The following RTN2 variants were observed in gnomAD, a reference collection of about 807,000 sequenced individuals.
RTN2 encodes the protein reticulon 2.
A neutral mutation model predicts 63.7 loss-of-function variants in RTN2; 36 were observed. That is an observed-to-expected ratio of 0.56 (90% CI 0.43 to 0.75). The LOEUF is 0.75. RTN2 is among the 30% of genes least tolerant of loss of function. The pLI, the probability that RTN2 is intolerant of heterozygous loss-of-function variation, is 0.00. For synonymous variants in RTN2, 312 were observed against 313.0 expected (o/e 1.00, Z 0.03); for missense variants, 673 against 705.1 (o/e 0.95, Z 0.52).
intron 10 of RTN2, 69 bp downstream of exon 10, chr19:45,485,986 G>A (rs1968012650): frequency 4.1e-6 from 6 of 1,474,732 alleles, no homozygotes; most frequent in Middle Eastern, 1.8e-4. Flanking sequence ...CGGACAGCGA[G>A]AGTAGAAAGG....
At position 45,488,994 on chromosome 19, in the gene RTN2, G is replaced by C. The variant is rs1409728655; in HGVS notation, c.1242-8C>G. 2 of 1,609,980 alleles carry C rather than the reference G, an allele frequency of 1.2e-6. No individual in the cohort carries two copies. Among genetic ancestry groups the C allele is most frequent in the South Asian group, 2.2e-5 (2 of 90,202 alleles). The stretch of plus-strand genomic sequence containing the variant: ...TCCACATCCAGGTAGGCCCTGCGGG[G>C]ACAAAGGAGTGTGGGGCGACTCAGT... On this transcript the variant is annotated splice_region_variant and splice_polypyrimidine_tract_variant and intron_variant, in intron 6 of 10. Transcript: ENST00000245923.
At chr19:45,490,707 G>A (rs1199834743) in intron 5 of RTN2, among the ~76,000 whole-genome samples, 2 of 151,788 alleles carry the variant, frequency 1.3e-5, no homozygotes, top group Non-Finnish European at 2.9e-5. Flanking sequence ...CTCCTGAGTA[G>A]CTGAGATTAC....
intron 6 of RTN2, 33 bp from the exon 7 acceptor site, chr19:45,489,019 TG>T (rs751287156): frequency 6.2e-7 from 1 of 1,604,236 alleles, no homozygotes; most frequent in South Asian, 1.1e-5. Flanking sequence ...GGCGACTCAG[TG>T]GGTGACCAGC....
rs774410471 is a variant in RTN2 at position 45,493,269 on chromosome 19, C to G, written c.924G>C (p.Arg308Ser). 6.2e-7 allele frequency: 1 copy of G among 1,613,118 alleles called. No homozygotes were observed. The highest frequency in any genetic ancestry group is 8.5e-7 in the Non-Finnish European group (1 of 1,179,764). Residue 308 changes from arginine to serine, a missense_variant, in exon 5 of 11, where the codon AGG becomes AGC. By Grantham distance (110) the Arg-to-Ser change is moderately radical (BLOSUM62 -1). Coordinates refer to ENST00000245923, the MANE Select transcript of RTN2 (RefSeq NM_005619.5). ...GGACAGGAGTAGGGGGGGTGGGGCC[C>G]CTTTGGACCCAGCCAATGGCTGTCC... ...PLWTAIGWVQ[R>S]GPTPPTPVLR...
chr19:45,486,671 C>T (rs2122202472), intron 9 of RTN2, among the ~76,000 whole-genome samples: 1 of 150,964 alleles, frequency 6.6e-6, no homozygotes, highest in African/African-American at 2.4e-5. Context: ...ACCAACATGC[C>T]CGGCTAATTT....
In RTN2 at chr19:45,494,434, G is replaced by T; in HGVS notation, c.560-14C>A. 2 of 1,607,524 alleles carry T rather than the reference G, an allele frequency of 1.2e-6. No individual in the cohort carries two copies. Among genetic ancestry groups the T allele is most frequent in the South Asian group, 2.2e-5 (2 of 90,886 alleles). ...GTAGGTCCAGTTCTGATACGGTAGA[G>T]AGAGGAGGCCGTGAGCTTTCTTCTT... On this transcript the variant is annotated splice_polypyrimidine_tract_variant and intron_variant, in intron 3 of 10. Transcript: ENST00000245923. This position sits in a 1 kb window ranked among gnomAD's most constrained non-coding sequence, Gnocchi z 5.3.
At position 45,493,331 on chromosome 19, in the gene RTN2, T is replaced by A; in HGVS notation, c.862A>T (p.Lys288Ter). The change falls in exon 5 of 11, where the codon AAG (lysine) becomes TAG (stop). Residue 288 changes from lysine to a stop codon, truncating the protein, a stop_gained. Transcript: ENST00000245923. LOFTEE classifies it high-confidence loss of function. ...LKTSLLLAVY[K>*]TVPILELSPP... ...GACAATTCCAAAATTGGAACCGTCT[T>A]GTAAACAGCCAAAAGCAATGATGTC... 7 of 1,610,988 alleles carry A rather than the reference T, an allele frequency of 4.3e-6. No homozygotes were observed. Among genetic ancestry groups the A allele is most frequent in the Non-Finnish European group, 5.9e-6 (7 of 1,179,276 alleles).
chr19:45,490,230 G>A (rs1968124284), intron 5 of RTN2, among the ~76,000 whole-genome samples: 1 of 152,130 alleles, frequency 6.6e-6, no homozygotes, highest in South Asian at 2.1e-4. Flanking sequence ...TCGAACTCCT[G>A]ACCTCGTGGT....
In RTN2 at chr19:45,494,661, G is replaced by A. The variant is rs752411639; in HGVS notation, c.424C>T (p.Leu142Phe). The A allele has an allele frequency of 2.5e-6, 4 of 1,613,828 alleles. No individual in the cohort carries two copies. The highest frequency in any genetic ancestry group is 2.2e-5 in the East Asian group (1 of 44,872). The change falls in exon 3 of 11, where the codon CTT becomes TTT. Residue 142 changes from leucine (L) to phenylalanine (F), a missense_variant. Coordinates refer to ENST00000245923, the MANE Select transcript of RTN2 (RefSeq NM_005619.5). This position sits in a 1 kb window ranked among gnomAD's most constrained non-coding sequence, Gnocchi z 5.3. ...ACCCAGCCCAGATGGTCCAACCGAA[G>A]CCTCAGGTCTTCCAGAGGGCGCTCG... ...PSERPLEDLR[L>F]RLDHLGWVAR...
intron 9 of RTN2, among the ~76,000 whole-genome samples, chr19:45,487,942 C>CAAAAAA (rs1310199487): frequency 1.5e-5 from 1 of 67,370 alleles, no homozygotes; most frequent in African/African-American, 6.0e-5. Flanking sequence ...GACTCCATCT[C>CAAAAAA]AAAAAAAAAA....
In RTN2 at chr19:45,494,065, A is replaced by G. The variant is rs1413108243; in HGVS notation, c.814+101T>C. On this transcript the variant is annotated intron_variant, in intron 4 of 10. Coordinates refer to ENST00000245923, the MANE Select transcript of RTN2 (RefSeq NM_005619.5). The surrounding 1 kb of genome is among the most constrained non-coding windows in gnomAD (Gnocchi z 5.3). ...ATCACGTCTATCTCTTCCCTTTTCCACTATGTACTGTTCCTTTGCGAGGTT... is the reference window on the plus strand; with the variant it reads ...ATCACGTCTATCTCTTCCCTTTTCCGCTATGTACTGTTCCTTTGCGAGGTT... The G allele has an allele frequency of 3.8e-5, 57 of 1,490,784 alleles. No homozygotes were observed. Among genetic ancestry groups the G allele is most frequent in the Non-Finnish European group, 5.0e-5 (55 of 1,107,358 alleles). The allele number at this position is 1,490,784 out of a possible 1,614,324, so 92.3% of individuals were successfully genotyped here.
intron 9 of RTN2, among the ~76,000 whole-genome samples, chr19:45,488,269 A>C (rs1968071193): frequency 6.6e-6 from 1 of 152,220 alleles, no homozygotes; most frequent in Non-Finnish European, 1.5e-5. Context: ...AACCCAAAAC[A>C]AAACAAAAAC....
Position 45,488,724 on chromosome 19 carries a change from G to C in RTN2, c.1381-18C>G. On this transcript the variant is annotated intron_variant, in intron 7 of 10. Coordinates refer to ENST00000245923, the MANE Select transcript of RTN2 (RefSeq NM_005619.5). The stretch of plus-strand genomic sequence containing the variant: ...AGGGCCAGCTGGGGGTGAAGGTCAG[G>C]GTCAGCAGAGCCCACCGGGAATTCC... The C allele has an allele frequency of 1.2e-6, 2 of 1,612,132 alleles. No homozygotes were observed. Among genetic ancestry groups the C allele is most frequent in the Non-Finnish European group, 1.7e-6 (2 of 1,179,212 alleles).
chr19:45,491,202 T>A (rs1451020021), intron 5 of RTN2, among the ~76,000 whole-genome samples: 1 of 151,644 alleles, frequency 6.6e-6, no homozygotes, highest in African/African-American at 2.4e-5. Context: ...ATTTTTTTTT[T>A]TTTTATTTTT....
chr19:45,493,980 G>T, intron 4 of RTN2, 186 bp downstream of exon 4: 1 of 926,286 alleles, frequency 1.1e-6, no homozygotes, highest in Non-Finnish European at 1.6e-6. Flanking sequence ...ATGAGCCACC[G>T]CGCCCGGCCG....
Position 45,494,954 on chromosome 19 carries a change from G to A in RTN2, c.131C>T (p.Ser44Leu). Residue 44 changes from serine to leucine, a missense_variant, in exon 3 of 11, where the codon TCA becomes TTA. Transcript: ENST00000245923. The surrounding 1 kb of genome is among the most constrained non-coding windows in gnomAD (Gnocchi z 5.3). ...CGTGGTCTCCTCCTCGTCCTCCTCT[G>A]AGAATTCCCGGGCTGTGTGCAGCTC... ...FRELHTAREFSEEDEEETTSQ... is the reference protein window; with the variant it reads ...FRELHTAREFLEEDEEETTSQ... The A allele has an allele frequency of 6.2e-7, 1 of 1,613,936 alleles. No individual in the cohort carries two copies. The highest frequency in any genetic ancestry group is 8.5e-7 in the Non-Finnish European group (1 of 1,179,966).
chr19:45,494,933 G>T lies in RTN2; in HGVS notation c.152C>A (p.Thr51Asn). The change falls in exon 3 of 11, where the codon ACC becomes AAC. Residue 51 changes from threonine to asparagine, a missense_variant. Physicochemically the swap from Thr to Asn is moderately conservative, Grantham distance 65. Transcript: ENST00000245923. This position sits in a 1 kb window ranked among gnomAD's most constrained non-coding sequence, Gnocchi z 5.3. ...REFSEEDEEE[T>N]TSQDWGTPRE... ...GGGGGTGCCCCAGTCCTGCGACGTG[G>T]TCTCCTCCTCGTCCTCCTCTGAGAA... 2.5e-6 allele frequency: 4 copies of T among 1,613,816 alleles called. No homozygotes were observed. The highest frequency in any genetic ancestry group is 3.4e-6 in the Non-Finnish European group (4 of 1,180,014).
chr19:45,490,835 C>T (rs924117994), intron 5 of RTN2, among the ~76,000 whole-genome samples: 24 of 151,626 alleles, frequency 1.6e-4, no homozygotes, highest in East Asian at 5.8e-4. Flanking sequence ...CCTCGGCCTC[C>T]CAAAGTGTTG....
chr19:45,485,849 G>A, intron 10 of RTN2, 60 bp from the exon 11 acceptor site: 1 of 1,396,640 alleles, frequency 7.2e-7, no homozygotes, highest in South Asian at 1.2e-5. Flanking sequence ...GGGCATCTGG[G>A]GACAACGGGG....
Sources: allele counts gnomAD v4.1 joint callset (sites outside exome capture counted in the v4.1 genomes callset), GRCh38; gene constraint gnomAD v4.1.1; non-coding constraint Gnocchi (gnomAD v3.1); transcripts MANE v1.5; gene names NCBI Gene and HGNC (gene_info 2026-07-23, HGNC 2026-07-21).